CPA6: variants seen among roughly 807,000 people sequenced by gnomAD.
The protein encoded by CPA6 is carboxypeptidase B.
Under a neutral mutation model 63.3 loss-of-function variants are expected in CPA6, and 58 were observed. That is an observed-to-expected ratio of 0.92 (90% CI 0.74 to 1.14). The LOEUF (loss-of-function observed/expected upper bound fraction) is 1.14. Ranked by LOEUF, CPA6 falls within the 50% of genes most tolerant of loss-of-function variation. The probability of loss-of-function intolerance (pLI) is 0.00; values close to 1 mark genes in which losing one functional copy is unlikely to be tolerated. For synonymous variants in CPA6, 185 were observed against 179.0 expected, an observed-to-expected ratio of 1.03 and a Z score of -0.27; for missense variants, 565 against 526.6, an observed-to-expected ratio of 1.07 and a Z score of -0.71.
chr8:67,709,452 C>A (rs954034536), intron 1 of CPA6, among the ~76,000 whole-genome samples: 1 of 152,208 alleles, frequency 6.6e-6, no homozygotes, highest in Non-Finnish European at 1.5e-5. Context: ...AGGCAAGAAT[C>A]AAGTTGCTGC....
intron 7 of CPA6, among the ~76,000 whole-genome samples, chr8:67,484,076 T>C (rs970304009): frequency 2.5e-4 from 16 of 64,432 alleles, no homozygotes; most frequent in Non-Finnish European, 7.2e-5. Flanking sequence ...TGCCTTCTCT[T>C]TTTTTTTTTT....
chr8:67,614,685 C>T (rs1406205719), intron 2 of CPA6, among the ~76,000 whole-genome samples: 1 of 152,194 alleles, frequency 6.6e-6, no homozygotes, highest in Non-Finnish European at 1.5e-5. Context: ...TGTTCATGTA[C>T]TATGCCTGTG....
chr8:67,472,368 A>ATT (rs770145821), intron 8 of CPA6, among the ~76,000 whole-genome samples: 38 of 140,558 alleles, frequency 2.7e-4, no homozygotes, highest in African/African-American at 4.5e-4. Flanking sequence ...TTTGTAAAAG[A>ATT]TTTATTTTTT....
At chr8:67,564,184 T>C (rs903656053) in intron 2 of CPA6, among the ~76,000 whole-genome samples, 1 of 152,190 alleles carries the variant, frequency 6.6e-6, no homozygotes, top group Admixed American at 6.5e-5. Flanking sequence ...CAAGACAAAA[T>C]CCATGAATAG....
intron 1 of CPA6, among the ~76,000 whole-genome samples, chr8:67,655,246 A>C (rs1190131971): frequency 6.6e-6 from 1 of 152,170 alleles, no homozygotes; most frequent in Non-Finnish European, 1.5e-5. Flanking sequence ...CTTCTACTTT[A>C]CAAATTTATA....
At chr8:67,651,718 C>G (rs992252695) in intron 1 of CPA6, among the ~76,000 whole-genome samples, 1 of 151,782 alleles carries the variant, frequency 6.6e-6, no homozygotes, top group African/African-American at 2.4e-5. Context: ...GAGAATAGCG[C>G]GAGAGCTATT....
chr8:67,435,021 G>T (rs1021702646), intron 8 of CPA6, among the ~76,000 whole-genome samples: 7 of 152,222 alleles, frequency 4.6e-5, no homozygotes, highest in Non-Finnish European at 2.9e-5. Flanking sequence ...CAAGGACTGA[G>T]ACTGAGAGGG....
intron 2 of CPA6, among the ~76,000 whole-genome samples, chr8:67,606,288 A>G (rs1200171035): frequency 6.6e-6 from 1 of 152,004 alleles, no homozygotes; most frequent in African/African-American, 2.4e-5. Flanking sequence ...ATATGTAACA[A>G]ACCTGCACAT....
At chr8:67,526,701 A>G (rs1419729660) in intron 2 of CPA6, among the ~76,000 whole-genome samples, 1 of 152,178 alleles carries the variant, frequency 6.6e-6, no homozygotes, top group Non-Finnish European at 1.5e-5. Context: ...TGAGAGGAAG[A>G]TGCAGGCCTG....
At chr8:67,514,283 G>T (rs1812100549) in intron 3 of CPA6, among the ~76,000 whole-genome samples, 1 of 152,024 alleles carries the variant, frequency 6.6e-6, no homozygotes, top group Non-Finnish European at 1.5e-5. Flanking sequence ...CATCACCAAC[G>T]TTTACAGGTA....
At chr8:67,445,388 C>T (rs1244677848) in intron 8 of CPA6, among the ~76,000 whole-genome samples, 1 of 152,178 alleles carries the variant, frequency 6.6e-6, no homozygotes, top group Non-Finnish European at 1.5e-5. Flanking sequence ...GATGGGACTT[C>T]TGATTTCCTG....
chr8:67,507,542 G>A (rs1028299724), intron 5 of CPA6, among the ~76,000 whole-genome samples: 2 of 151,722 alleles, frequency 1.3e-5, no homozygotes, highest in African/African-American at 4.8e-5. Context: ...TAATTACAGG[G>A]GATCTAATTT....
intron 1 of CPA6, among the ~76,000 whole-genome samples, chr8:67,721,613 A>G (rs1817501235): frequency 6.6e-6 from 1 of 152,208 alleles, no homozygotes; most frequent in Non-Finnish European, 1.5e-5. Context: ...CAGATGAACG[A>G]TAGAGGTGCA....
chr8:67,714,706 C>G (rs1054109005), intron 1 of CPA6, among the ~76,000 whole-genome samples: 1 of 152,088 alleles, frequency 6.6e-6, no homozygotes, highest in African/African-American at 2.4e-5. Flanking sequence ...GATTAAGTGC[C>G]TTCCTTAGCT....
chr8:67,644,211 C>T lies in CPA6; in HGVS notation c.117-19960G>A, dbSNP rs553060257. On this transcript the variant is annotated intron_variant, in intron 1 of 10. Transcript: ENST00000297770. Reference sequence around the variant, plus strand: ...TCGGCTCACTGCAAGCTCCGCCTCCCGGGTTCACGCCATTCTCCTGCCTCA... The same window carrying T: ...TCGGCTCACTGCAAGCTCCGCCTCCTGGGTTCACGCCATTCTCCTGCCTCA... Among the ~76,000 whole-genome samples the T allele has an allele frequency of 6.0e-4, 91 of 152,148 alleles. 1 individual carries two copies. In the Middle Eastern group the frequency reaches 0.024, roughly 40 times the overall value.
At chr8:67,669,286 G>A (rs10094842) in intron 1 of CPA6, among the ~76,000 whole-genome samples, 13,242 of 152,196 alleles carry the variant, frequency 0.087, 1,096 homozygotes, top group African/African-American at 0.21. Flanking sequence ...CTGTATGCTT[G>A]TTCTTACGTG....
intron 2 of CPA6, among the ~76,000 whole-genome samples, chr8:67,538,874 T>C (rs1587536767): frequency 6.6e-6 from 1 of 152,148 alleles, no homozygotes; most frequent in Non-Finnish European, 1.5e-5. Flanking sequence ...TTAGCCAGGA[T>C]GGTCTTGATC....
intron 8 of CPA6, among the ~76,000 whole-genome samples, chr8:67,458,971 AAG>A (rs1391589097): frequency 1.3e-5 from 2 of 152,212 alleles, no homozygotes; most frequent in East Asian, 1.9e-4. Flanking sequence ...GCCACTTTGA[AAG>A]AGAGTTTGGC....
At chr8:67,452,162 G>A (rs181184518) in intron 8 of CPA6, 47 of 152,318 alleles carry the variant, frequency 3.1e-4, no homozygotes, top group African/African-American at 1.1e-3. Flanking sequence ...TTTACAACAG[G>A]AAGGTTTTAA....
Sources: gnomAD v4.1 joint callset for allele counts (sites outside exome capture counted in the v4.1 genomes callset) on GRCh38, gnomAD v4.1.1 for gene constraint, MANE v1.5 for transcripts, NCBI Gene and HGNC (gene_info 2026-07-23, HGNC 2026-07-21) for gene names.